SCUBE2: variants seen among roughly 807,000 people sequenced by gnomAD.
The protein encoded by SCUBE2 is signal peptide, CUB and EGF-like domain-containing protein 2.
In SCUBE2, 114 loss-of-function variants were observed where a neutral mutation model predicts 125.9. That is an observed-to-expected ratio of 0.91 (90% CI 0.78 to 1.06). The LOEUF is 1.06. Ranked by LOEUF, SCUBE2 falls within the 50% of genes least tolerant of loss-of-function variation. The pLI is 0.00. For synonymous variants in SCUBE2, 459 were observed against 492.9 expected (o/e 0.93, Z 0.91); for missense variants, 1,255 against 1,301.8 (o/e 0.96, Z 0.55).
intron 16 of SCUBE2, among the ~76,000 whole-genome samples, chr11:9,038,280 G>A (rs921027282): frequency 9.9e-5 from 15 of 152,164 alleles, no homozygotes; most frequent in Non-Finnish European, 1.5e-4. Flanking sequence ...TAGGGATGGA[G>A]TTTGTATATA....
chr11:9,052,689 A>G, intron 13 of SCUBE2, 57 bp downstream of exon 13: 1 of 1,279,922 alleles, frequency 7.8e-7, no homozygotes, highest in East Asian at 2.5e-5. Context: ...CACCCCGTGA[A>G]TGAAGCCCCT....
In SCUBE2 at chr11:9,029,883, C is replaced by T; in HGVS notation, c.2503+1G>A. ...ATGAAAAGCCTTAGAGAGGGACCTA[C>T]TTTTACACTGGGTTATGTTTGTGGA... On this transcript the variant is annotated splice_donor_variant, in intron 19 of 22. Coordinates refer to ENST00000649792, the MANE Select transcript of SCUBE2 (RefSeq NM_001367977.2). LOFTEE classifies it high-confidence loss of function. 6.2e-7 allele frequency: 1 copy of T among 1,614,180 alleles called. No homozygotes were observed. The highest frequency in any genetic ancestry group is 8.5e-7 in the Non-Finnish European group (1 of 1,180,014).
chr11:9,084,802 G>A (rs1210241543), intron 2 of SCUBE2, among the ~76,000 whole-genome samples: 2 of 152,162 alleles, frequency 1.3e-5, no homozygotes, highest in African/African-American at 4.8e-5. Context: ...GGAGTGCAGT[G>A]GTGCCATCAT....
In SCUBE2 at chr11:9,020,854, T is replaced by A. The variant is rs1468374148; in HGVS notation, c.*191A>T. 9.9e-6 allele frequency: 5 copies of A among 505,388 alleles called. No individual in the cohort carries two copies. In the East Asian group the frequency reaches 1.6e-4, roughly 16 times the overall value. 31.3% of individuals were successfully genotyped at this position (505,388 alleles called of 1,614,324 possible). ...CACTCAAAGCCATTCTCAGTCTACA[T>A]CCACGATGCTGGGAAAGAAAAACCA... is the stretch of plus-strand genomic sequence containing the variant. On this transcript the variant is annotated 3_prime_UTR_variant, in exon 23 of 23. Coordinates refer to ENST00000649792, the MANE Select transcript of SCUBE2 (RefSeq NM_001367977.2).
chr11:9,089,825 T>C lies in SCUBE2; in HGVS notation c.138A>G (p.Val46=). The change falls in exon 2 of 23, where the codon GTA becomes GTG. Residue 46 remains valine (V), a synonymous_variant. Coordinates refer to ENST00000649792, the MANE Select transcript of SCUBE2 (RefSeq NM_001367977.2). ...CATCTAGCCCTTGGGCACACTCATC[T>C]ACATCTGCAAAAGAGCACAGCTGAC... The part of the protein sequence containing the change: ...RGRAAGPQED[V]DECAQGLDDC... 6.2e-7 allele frequency: 1 copy of C among 1,613,712 alleles called. No homozygotes were observed. Among genetic ancestry groups the C allele is most frequent in the Non-Finnish European group, 8.5e-7 (1 of 1,179,768 alleles).
intron 5 of SCUBE2, among the ~76,000 whole-genome samples, chr11:9,068,233 G>A (rs1860444796): frequency 6.6e-6 from 1 of 152,154 alleles, no homozygotes; most frequent in Admixed American, 6.5e-5. Context: ...CCATGGCTTT[G>A]GGAAGGTTCC....
intron 7 of SCUBE2, among the ~76,000 whole-genome samples, chr11:9,062,495 T>C (rs1288903069): frequency 6.6e-6 from 1 of 152,214 alleles, no homozygotes; most frequent in Non-Finnish European, 1.5e-5. Context: ...CTGTTAAATA[T>C]GAAAAGTCGG....
At chr11:9,027,754 T>A (rs772484259) in intron 19 of SCUBE2, among the ~76,000 whole-genome samples, 193 bp from the exon 20 acceptor site, 26 of 151,632 alleles carry the variant, frequency 1.7e-4, no homozygotes, top group Non-Finnish European at 4.4e-5. Context: ...CCACAAGGAG[T>A]CTACCCCTCT....
At chr11:9,059,025 TC>T (rs1453711438) in intron 9 of SCUBE2, among the ~76,000 whole-genome samples, 1 of 152,232 alleles carries the variant, frequency 6.6e-6, no homozygotes, top group Non-Finnish European at 1.5e-5. Context: ...CATTCTGTTT[TC>T]CATTCCATTT....
At chr11:9,061,806 G>A (rs1008696978) in intron 7 of SCUBE2, among the ~76,000 whole-genome samples, 3 of 152,192 alleles carry the variant, frequency 2.0e-5, no homozygotes, top group Non-Finnish European at 4.4e-5. Flanking sequence ...ATCTGGCGTA[G>A]AAGAAAGCTA....
chr11:9,020,957 C>A lies in SCUBE2; in HGVS notation c.*88G>T, dbSNP rs530838138. 8.3e-5 allele frequency: 101 copies of A among 1,217,892 alleles called. No individual in the cohort carries two copies. In the African/African-American group the frequency reaches 1.3e-3, roughly 16 times the overall value. 75.4% of individuals were successfully genotyped at this position (1,217,892 alleles called of 1,614,324 possible). A position where few individuals can be genotyped will look rare whatever the true frequency, so the allele number is the denominator to read the frequency against. Reference sequence around the variant, plus strand: ...GTCACTGATACGGGAGGCAGCAATACCCGACTGTGCTGACATGCAGAAGGA... The same window carrying A: ...GTCACTGATACGGGAGGCAGCAATAACCGACTGTGCTGACATGCAGAAGGA... On this transcript the variant is annotated 3_prime_UTR_variant, in exon 23 of 23. Transcript: ENST00000649792.
chr11:9,079,135 T>A (rs1314119327), intron 3 of SCUBE2, among the ~76,000 whole-genome samples: 1 of 152,178 alleles, frequency 6.6e-6, no homozygotes, highest in East Asian at 1.9e-4. Flanking sequence ...GACAAGCCAA[T>A]GCTAGAAAGT....
In SCUBE2 at chr11:9,033,801, C is replaced by A. The variant is rs374019605; in HGVS notation, c.2003-5G>T. On this transcript the variant is annotated splice_polypyrimidine_tract_variant and splice_region_variant and intron_variant, in intron 16 of 22. Coordinates refer to ENST00000649792, the MANE Select transcript of SCUBE2 (RefSeq NM_001367977.2). ...AGGTCCCAGCCCTGCAACTGACTAGCCAAAAGGGAAACAACCTGGTCAGTG... is the reference window on the plus strand; with the variant it reads ...AGGTCCCAGCCCTGCAACTGACTAGACAAAAGGGAAACAACCTGGTCAGTG... 11 of 1,613,582 alleles carry A rather than the reference C, an allele frequency of 6.8e-6. No homozygotes were observed. Among genetic ancestry groups the A allele is most frequent in the Non-Finnish European group, 9.3e-6 (11 of 1,179,766 alleles).
intron 19 of SCUBE2, among the ~76,000 whole-genome samples, chr11:9,028,033 T>A (rs1855946066): frequency 6.6e-6 from 1 of 152,172 alleles, no homozygotes; most frequent in African/African-American, 2.4e-5. Flanking sequence ...CCACATTTTA[T>A]TTTTTATTCA....
At chr11:9,056,975 C>G (rs1859152641) in intron 9 of SCUBE2, among the ~76,000 whole-genome samples, 1 of 152,210 alleles carries the variant, frequency 6.6e-6, no homozygotes, top group African/African-American at 2.4e-5. Context: ...TCATCCCTAG[C>G]TTTTCCCAGA....
chr11:9,049,459 C>T lies in SCUBE2; in HGVS notation c.1639+1147G>A, dbSNP rs115301148. ...TGGGGTTTTGTCATGTTACCCAGGC[C>T]GCTCCTGAACTCCTGAACTCAAGCA... is the stretch of plus-strand genomic sequence containing the variant. On this transcript the variant is annotated intron_variant, in intron 14 of 22. Coordinates refer to ENST00000649792, the MANE Select transcript of SCUBE2 (RefSeq NM_001367977.2). Among the ~76,000 whole-genome samples, 890 of 151,858 alleles carry T rather than the reference C, an allele frequency of 5.9e-3. 7 individuals carry two copies. The highest frequency in any genetic ancestry group is 0.02 in the African/African-American group (843 of 41,428).
At chr11:9,087,119 G>A (rs1431127211) in intron 2 of SCUBE2, among the ~76,000 whole-genome samples, 1 of 151,918 alleles carries the variant, frequency 6.6e-6, no homozygotes, top group Non-Finnish European at 1.5e-5. Flanking sequence ...CACAATGCCA[G>A]TCAATCATTA....
intron 4 of SCUBE2, among the ~76,000 whole-genome samples, chr11:9,073,385 A>C (rs188054992): frequency 2.0e-5 from 3 of 152,196 alleles, no homozygotes; most frequent in Non-Finnish European, 4.4e-5. Context: ...GATGATAGCC[A>C]TCAAACCCAT....
chr11:9,033,331 C>T lies in SCUBE2; in HGVS notation c.2173+295G>A, dbSNP rs780929563. ...ACAGTACCTATAGATAGGGAAATCA[C>T]TCAGGTTTCAGGTGTATATATTTCC... On this transcript the variant is annotated intron_variant, in intron 17 of 22. Coordinates refer to ENST00000649792, the MANE Select transcript of SCUBE2 (RefSeq NM_001367977.2). 4.6e-5 allele frequency among the ~76,000 whole-genome samples: 7 copies of T among 152,250 alleles called. No individual in the cohort carries two copies. The South Asian group carries it at 1.2e-3, about 27-fold the overall frequency.
Sources: allele counts gnomAD v4.1 joint callset (sites outside exome capture counted in the v4.1 genomes callset), GRCh38; gene constraint gnomAD v4.1.1; transcripts MANE v1.5; gene names NCBI Gene and HGNC (gene_info 2026-07-23, HGNC 2026-07-21).